PTPRE: variants seen among roughly 807,000 people sequenced by gnomAD.
PTPRE encodes the protein receptor-type tyrosine-protein phosphatase epsilon.
PTPRE carries 51 observed loss-of-function variants against 102.0 expected under a neutral mutation model. The ratio of observed to expected loss-of-function variants is 0.50; its 90% CI spans 0.40 to 0.63. PTPRE has a LOEUF of 0.63. Among genes scored for constraint, PTPRE ranks in the 30% least tolerant of loss-of-function variants. The pLI is 0.00. For synonymous variants in PTPRE, 345 were observed against 348.2 expected, an observed-to-expected ratio of 0.99 and a Z score of 0.10; for missense variants, 752 against 915.1, an observed-to-expected ratio of 0.82 and a Z score of 2.30.
chr10:127,965,473 C>A (rs965774787), intron 1 of PTPRE, among the ~76,000 whole-genome samples: 1 of 152,140 alleles, frequency 6.6e-6, no homozygotes, highest in African/African-American at 2.4e-5. Context: ...TTGCCAGTGT[C>A]TGCAGTGGAA....
chr10:128,051,258 A>G (rs941087344), intron 6 of PTPRE, among the ~76,000 whole-genome samples: 3 of 152,190 alleles, frequency 2.0e-5, no homozygotes, highest in Non-Finnish European at 2.9e-5. Flanking sequence ...CCAGGGAGGG[A>G]GTCCAGGAAT....
chr10:128,056,873 C>A (rs1394450113), intron 7 of PTPRE, among the ~76,000 whole-genome samples: 1 of 151,970 alleles, frequency 6.6e-6, no homozygotes, highest in African/African-American at 2.4e-5. Flanking sequence ...GCTTTCACAG[C>A]CTGTCTTGGT....
Position 128,073,345 on chromosome 10 carries a change from A to T in PTPRE, c.1473A>T (p.Arg491=), listed in dbSNP as rs1361262015. The change falls in exon 17 of 21, where the codon CGA becomes CGT. Residue 491 remains arginine, a synonymous_variant. Transcript: ENST00000254667. The stretch of plus-strand genomic sequence containing the variant: ...TGCGCCTCCATTTGAAGGGCTACCG[A>T]CAGAAGGACTATTTCATCGCCACCC... ...YINASFIDGY[R]QKDYFIATQG... 3 of 1,614,188 alleles carry T rather than the reference A, an allele frequency of 1.9e-6. No individual in the cohort carries two copies. Among genetic ancestry groups the T allele is most frequent in the Non-Finnish European group, 2.5e-6 (3 of 1,180,006 alleles).
At position 127,955,286 on chromosome 10, in the gene PTPRE, G is replaced by A. The variant is rs1000671347; in HGVS notation, c.-30-26988G>A. Among the ~76,000 whole-genome samples, 8 of 149,892 alleles carry A rather than the reference G, an allele frequency of 5.3e-5. No homozygotes were observed. The South Asian group carries it at 6.4e-4, about 12-fold the overall frequency. ...TATGATGCAGAGAATAAATACATGT[G>A]TACATACATACATACATACATACAT... On this transcript the variant is annotated intron_variant, in intron 1 of 20. Coordinates refer to ENST00000254667, the MANE Select transcript of PTPRE (RefSeq NM_006504.6).
intron 1 of PTPRE, among the ~76,000 whole-genome samples, chr10:127,942,841 G>C (rs1394836372): frequency 6.6e-6 from 1 of 152,190 alleles, no homozygotes; most frequent in Non-Finnish European, 1.5e-5. Context: ...CCCCTGAACT[G>C]TACACTCAAA....
At chr10:127,911,540 A>G (rs1362575211) in intron 1 of PTPRE, among the ~76,000 whole-genome samples, 1 of 152,188 alleles carries the variant, frequency 6.6e-6, no homozygotes, top group Non-Finnish European at 1.5e-5. Context: ...CTACCCTAGA[A>G]ACTCTCAGAA....
chr10:127,913,373 C>T (rs964266697), intron 1 of PTPRE, among the ~76,000 whole-genome samples: 1 of 152,242 alleles, frequency 6.6e-6, no homozygotes, highest in Non-Finnish European at 1.5e-5. Context: ...TTGGACATTT[C>T]CAGCTGAACA....
At chr10:128,073,537 C>T in intron 17 of PTPRE, 66 bp downstream of exon 17, 1 of 1,544,200 alleles carries the variant, frequency 6.5e-7, no homozygotes. Context: ...TGTCCCCGTT[C>T]ATTACAAATG....
chr10:128,079,577 C>G lies in PTPRE; in HGVS notation c.1910C>G (p.Thr637Arg). ...TVHCSAGAGR[T>R]GTFIALSNIL... ...CTCTGCAGTGCCGGAGCTGGGCGAACAGGTACATTCATAGCCCTCAGCAAC... is the reference window on the plus strand; with the variant it reads ...CTCTGCAGTGCCGGAGCTGGGCGAAGAGGTACATTCATAGCCCTCAGCAAC... Residue 637 changes from threonine to arginine, a missense_variant, in exon 20 of 21, where the codon ACA becomes AGA. Physicochemically the swap from Thr to Arg is moderately conservative, Grantham distance 71. Transcript: ENST00000254667. 1 of 1,614,050 alleles carries G rather than the reference C, an allele frequency of 6.2e-7. No individual in the cohort carries two copies. The highest frequency in any genetic ancestry group is 8.5e-7 in the Non-Finnish European group (1 of 1,180,006).
At chr10:127,983,120 C>G (rs1430365757) in intron 2 of PTPRE, among the ~76,000 whole-genome samples, 1 of 152,144 alleles carries the variant, frequency 6.6e-6, no homozygotes, top group Non-Finnish European at 1.5e-5. Context: ...GTCAATGGAT[C>G]AATTATTGTT....
chr10:128,079,847 A>G, intron 20 of PTPRE, 152 bp downstream of exon 20: 1 of 1,083,552 alleles, frequency 9.2e-7, no homozygotes, highest in Admixed American at 2.7e-5. Context: ...TTCGCAGTAA[A>G]CCTCTGCAGA....
At chr10:127,910,772 A>C (rs1411572486) in intron 1 of PTPRE, among the ~76,000 whole-genome samples, 1 of 152,232 alleles carries the variant, frequency 6.6e-6, no homozygotes, top group Non-Finnish European at 1.5e-5. Context: ...AATGCTGTGC[A>C]TTGCACATGT....
intron 2 of PTPRE, among the ~76,000 whole-genome samples, chr10:128,003,829 G>T (rs564664994): frequency 6.6e-6 from 1 of 152,282 alleles, no homozygotes; most frequent in Admixed American, 6.5e-5. Flanking sequence ...GATTAATACA[G>T]AAAGGAACAA....
chr10:128,050,367 G>GGATA (rs1848470830), intron 6 of PTPRE, among the ~76,000 whole-genome samples: 1 of 148,424 alleles, frequency 6.7e-6, no homozygotes, highest in African/African-American at 2.5e-5. Context: ...ATGGATGGAT[G>GGATA]GATGGATGGA....
At chr10:128,032,621 T>C (rs1846864677) in intron 2 of PTPRE, among the ~76,000 whole-genome samples, 1 of 152,220 alleles carries the variant, frequency 6.6e-6, no homozygotes, top group Non-Finnish European at 1.5e-5. Context: ...CCCGTTGGCC[T>C]CCCAGTGTGG....
At chr10:128,032,292 A>G (rs1352078054) in intron 2 of PTPRE, among the ~76,000 whole-genome samples, 1 of 152,226 alleles carries the variant, frequency 6.6e-6, no homozygotes, top group Non-Finnish European at 1.5e-5. Context: ...CTAGGATTAC[A>G]GGCATGAGCT....
intron 1 of PTPRE, among the ~76,000 whole-genome samples, chr10:127,924,514 C>T (rs1257017691): frequency 1.3e-5 from 2 of 152,200 alleles, no homozygotes; most frequent in African/African-American, 4.8e-5. Flanking sequence ...CAGGCATGAG[C>T]CACTGCATCT....
chr10:127,961,300 T>C (rs545264822), intron 1 of PTPRE, among the ~76,000 whole-genome samples: 1 of 152,122 alleles, frequency 6.6e-6, no homozygotes, highest in Non-Finnish European at 1.5e-5. Flanking sequence ...GTCCCCTTTT[T>C]GGAGCAGGGT....
intron 2 of PTPRE, among the ~76,000 whole-genome samples, chr10:128,036,984 T>C (rs1399991100): frequency 1.3e-5 from 2 of 152,142 alleles, no homozygotes; most frequent in South Asian, 4.1e-4. Flanking sequence ...TTGGAAACTT[T>C]CCTGGCGGCT....
Sources: gnomAD v4.1 joint callset for allele counts (sites outside exome capture counted in the v4.1 genomes callset) on GRCh38, gnomAD v4.1.1 for gene constraint, MANE v1.5 for transcripts, NCBI Gene and HGNC (gene_info 2026-07-23, HGNC 2026-07-21) for gene names.